ARID2: variants seen among roughly 807,000 people sequenced by gnomAD.
The protein encoded by ARID2 is AT-rich interaction domain 2.
In ARID2, 32 loss-of-function variants were observed where a neutral mutation model predicts 184.6. The ratio of observed to expected loss-of-function variants is 0.17; its 90% CI spans 0.13 to 0.23. ARID2 has a LOEUF of 0.23. Among genes scored for constraint, ARID2 ranks in the 10% least tolerant of loss-of-function variants. The pLI, the probability that ARID2 is intolerant of heterozygous loss-of-function variation, is 1.00. For missense variants in ARID2, 1,696 were observed against 2,197.6 expected (o/e 0.77, Z 4.56); for synonymous variants, 836 against 772.6 (o/e 1.08, Z -1.36).
At chr12:45,839,300 T>C in intron 10 of ARID2, 29 bp from the exon 11 acceptor site, 2 of 1,567,720 alleles carry the variant, frequency 1.3e-6, no homozygotes, top group Non-Finnish European at 1.7e-6. Context: ...TATTATTGAC[T>C]AATAACTATT....
At chr12:45,893,869 A>T (rs1341292341) in intron 20 of ARID2, 148 bp downstream of exon 20, 2 of 596,016 alleles carry the variant, frequency 3.4e-6, no homozygotes, top group East Asian at 3.2e-5. Flanking sequence ...AGGTCAGGCC[A>T]TGATGAGCTC....
intron 20 of ARID2, among the ~76,000 whole-genome samples, chr12:45,896,397 T>C (rs1316815158): frequency 1.3e-5 from 2 of 152,180 alleles, no homozygotes; most frequent in Non-Finnish European, 1.5e-5. Context: ...CCTCTTGAAT[T>C]CCCACATGTT....
intron 16 of ARID2, among the ~76,000 whole-genome samples, chr12:45,883,004 G>A (rs755012428): frequency 5.9e-5 from 9 of 152,052 alleles, no homozygotes; most frequent in Non-Finnish European, 8.8e-5. Flanking sequence ...ACAAGTTGTC[G>A]TCATCTTGCT....
chr12:45,832,042 G>C (rs1943132172), intron 6 of ARID2, among the ~76,000 whole-genome samples: 1 of 152,002 alleles, frequency 6.6e-6, no homozygotes. Flanking sequence ...TGCCTTTTCT[G>C]TGATTTCTGC....
chr12:45,767,021 AAT>A (rs1267943716), intron 3 of ARID2, among the ~76,000 whole-genome samples: 1 of 152,106 alleles, frequency 6.6e-6, no homozygotes, highest in African/African-American at 2.4e-5. Context: ...TCTCACCAGC[AAT>A]GTTTGAAAGT....
chr12:45,878,089 A>C (rs1055518661), intron 16 of ARID2, among the ~76,000 whole-genome samples: 2 of 152,134 alleles, frequency 1.3e-5, no homozygotes, highest in African/African-American at 4.8e-5. Flanking sequence ...ACATCAGTGT[A>C]TTCTTCTCCT....
chr12:45,825,357 A>G (rs1942976497), intron 6 of ARID2, among the ~76,000 whole-genome samples: 1 of 152,158 alleles, frequency 6.6e-6, no homozygotes, highest in Non-Finnish European at 1.5e-5. Context: ...GTACCCCATA[A>G]GTACATACAG....
intron 3 of ARID2, among the ~76,000 whole-genome samples, chr12:45,770,634 A>G (rs1422120148): frequency 1.3e-5 from 2 of 152,202 alleles, no homozygotes; most frequent in Non-Finnish European, 2.9e-5. Context: ...AGGACACGGA[A>G]GTGGTCCCTC....
intron 20 of ARID2, among the ~76,000 whole-genome samples, chr12:45,899,655 A>ATATATATATATATTTGGT (rs1944423044): frequency 5.8e-5 from 3 of 51,486 alleles, no homozygotes; most frequent in African/African-American, 3.2e-4. Context: ...ATATTTGGTT[A>ATATATATATATATTTGGT]TATATATATA....
At chr12:45,748,636 G>A (rs1941403530) in intron 3 of ARID2, among the ~76,000 whole-genome samples, 2 of 152,134 alleles carry the variant, frequency 1.3e-5, no homozygotes, top group Admixed American at 1.3e-4. Flanking sequence ...ATGTAATGCT[G>A]TTTGGTAGCA....
At chr12:45,891,674 A>G (rs980039194) in intron 16 of ARID2, 106 bp from the exon 17 acceptor site, 3 of 1,228,384 alleles carry the variant, frequency 2.4e-6, no homozygotes, top group Non-Finnish European at 3.4e-6. Context: ...AAAAGTGTTC[A>G]GTACAACTGA....
At chr12:45,874,060 TC>T (rs1943969542) in intron 16 of ARID2, 1 of 152,310 alleles carries the variant, frequency 6.6e-6, no homozygotes, top group Non-Finnish European at 1.5e-5. Context: ...ATTCCTGTAC[TC>T]CCAGCTATTT....
chr12:45,828,861 T>C (rs956524628), intron 6 of ARID2, among the ~76,000 whole-genome samples: 9 of 152,000 alleles, frequency 5.9e-5, no homozygotes, highest in Non-Finnish European at 1.3e-4. Flanking sequence ...GTTGGAAATA[T>C]TTTCTCTCTA....
intron 3 of ARID2, among the ~76,000 whole-genome samples, chr12:45,759,502 G>A (rs1466046179): frequency 2.0e-5 from 3 of 152,138 alleles, no homozygotes; most frequent in Admixed American, 2.0e-4. Flanking sequence ...TGATCTAGGA[G>A]ATTTTAGGTC....
At chr12:45,795,286 AC>A (rs1942369440) in intron 3 of ARID2, among the ~76,000 whole-genome samples, 1 of 147,610 alleles carries the variant, frequency 6.8e-6, no homozygotes, top group South Asian at 2.1e-4. Context: ...CCTCAAGTCT[AC>A]TCCTGTTCTC....
rs773851838 is a variant in ARID2, at chr12:45,905,083, T to C, written c.*5T>C. The C allele has an allele frequency of 8.1e-6, 13 of 1,612,104 alleles. No homozygotes were observed. In the African/African-American group the frequency reaches 1.7e-4, roughly 22 times the overall value. On this transcript the variant is annotated 3_prime_UTR_variant, in exon 21 of 21. Transcript: ENST00000334344. The stretch of plus-strand genomic sequence containing the variant: ...GACTCAGAAATGCTGCAGTGAAAAA[T>C]AATTCCACTTACACAGTGGGGGACT...
intron 3 of ARID2, chr12:45,789,623 A>G (rs935123729): frequency 1.1e-4 from 17 of 152,192 alleles, no homozygotes; most frequent in African/African-American, 3.6e-4. Context: ...TGAACTACCA[A>G]TACATAAAAG....
intron 16 of ARID2, chr12:45,880,848 G>T (rs1466501440): frequency 6.1e-6 from 1 of 162,996 alleles, no homozygotes; most frequent in Non-Finnish European, 1.3e-5. Context: ...TGCAGGTGTT[G>T]GATTCAAGAC....
intron 5 of ARID2, 116 bp downstream of exon 5, chr12:45,818,004 T>C: frequency 1.3e-6 from 1 of 740,872 alleles, no homozygotes; most frequent in Non-Finnish European, 2.1e-6. Context: ...ATTTTCTGTT[T>C]TTATATTATG....
Sources: allele counts gnomAD v4.1 joint callset (sites outside exome capture counted in the v4.1 genomes callset), GRCh38; gene constraint gnomAD v4.1.1; transcripts MANE v1.5; gene names NCBI Gene and HGNC (gene_info 2026-07-23, HGNC 2026-07-21).